CACNA1B: variants seen among roughly 807,000 people sequenced by gnomAD.
CACNA1B encodes the protein voltage-dependent N-type calcium channel subunit alpha-1B.
CACNA1B carries 70 observed loss-of-function variants against 247.2 expected under a neutral mutation model. That is an observed-to-expected ratio of 0.28 (90% CI 0.23 to 0.35). The LOEUF is 0.35. Ranked by LOEUF, CACNA1B falls within the 10% of genes least tolerant of loss-of-function variation. CACNA1B has a pLI of 1.00. For synonymous variants in CACNA1B, 1,231 were observed against 1,294.4 expected, an observed-to-expected ratio of 0.95 and a Z score of 1.05; for missense variants, 2,367 against 3,197.4, an observed-to-expected ratio of 0.74 and a Z score of 6.26.
intron 18 of CACNA1B, among the ~76,000 whole-genome samples, chr9:138,017,721 G>A (rs1238072917): frequency 1.3e-5 from 2 of 152,222 alleles, no homozygotes; most frequent in Non-Finnish European, 2.9e-5. Flanking sequence ...GCTCACAGTA[G>A]ACCACCCAGG....
In CACNA1B at chr9:138,058,014, G is replaced by A; in HGVS notation, c.4107-35G>A. On this transcript the variant is annotated intron_variant, in intron 27 of 46. Transcript: ENST00000371372. The surrounding 1 kb of genome is among the most constrained non-coding windows in gnomAD (Gnocchi z 4.7). Reference sequence around the variant, plus strand: ...GAGTTCTTAGGGCTGTCTCCTTTGGGGGTTCCCCTGACACTTGCTCTCCTC... The same window carrying A: ...GAGTTCTTAGGGCTGTCTCCTTTGGAGGTTCCCCTGACACTTGCTCTCCTC... 1.3e-6 allele frequency: 2 copies of A among 1,592,602 alleles called. No individual in the cohort carries two copies. The highest frequency in any genetic ancestry group is 1.1e-5 in the South Asian group (1 of 90,668).
chr9:137,913,161 T>G lies in CACNA1B; in HGVS notation c.531-19T>G. ...AATGTGGAAACCTTTACTTCCCTTCTTCTCCTTGTTTCTGCCAGGATCCTT... is the reference window on the plus strand; with the variant it reads ...AATGTGGAAACCTTTACTTCCCTTCGTCTCCTTGTTTCTGCCAGGATCCTT... On this transcript the variant is annotated intron_variant, in intron 3 of 46. Coordinates refer to ENST00000371372, the MANE Select transcript of CACNA1B (RefSeq NM_000718.4). This position sits in a 1 kb window ranked among gnomAD's most constrained non-coding sequence, Gnocchi z 5.2. 1 of 1,608,186 alleles carries G rather than the reference T, an allele frequency of 6.2e-7. No individual in the cohort carries two copies. Among genetic ancestry groups the G allele is most frequent in the Non-Finnish European group, 8.5e-7 (1 of 1,174,800 alleles).
chr9:137,882,691 G>T lies in CACNA1B; in HGVS notation c.391-53G>T. On this transcript the variant is annotated intron_variant, in intron 2 of 46. Coordinates refer to ENST00000371372, the MANE Select transcript of CACNA1B (RefSeq NM_000718.4). The surrounding 1 kb of genome is among the most constrained non-coding windows in gnomAD (Gnocchi z 4.0). The stretch of plus-strand genomic sequence containing the variant: ...GGGTCCTCACCAACCGTCTCTGCCC[G>T]CTACTACACCGGGTAGGGGCCAGGG... The T allele has an allele frequency of 1.2e-6, 2 of 1,606,652 alleles. No individual in the cohort carries two copies. Among genetic ancestry groups the T allele is most frequent in the Middle Eastern group, 1.6e-4 (1 of 6,064 alleles).
chr9:138,055,931 C>A (rs941690194), intron 26 of CACNA1B, among the ~76,000 whole-genome samples: 1 of 151,942 alleles, frequency 6.6e-6, no homozygotes, highest in Non-Finnish European at 1.5e-5. Context: ...GAGGCTGAGG[C>A]AGGCGAATCG....
chr9:138,072,156 C>T lies in CACNA1B; in HGVS notation c.4675-1332C>T, dbSNP rs1201549791. On this transcript the variant is annotated intron_variant, in intron 32 of 46. Transcript: ENST00000371372. The surrounding 1 kb of genome is among the most constrained non-coding windows in gnomAD (Gnocchi z 4.5). The stretch of plus-strand genomic sequence containing the variant: ...CGCCTTGCTGATTTGGATCATAGCC[C>T]GTCCTTGTGCCCACTGGCCATGGAT... Among the ~76,000 whole-genome samples, 3 of 152,172 alleles carry T rather than the reference C, an allele frequency of 2.0e-5. No individual in the cohort carries two copies. The highest frequency in any genetic ancestry group is 4.8e-5 in the African/African-American group (2 of 41,444).
chr9:137,999,286 A>G (rs893959984), intron 15 of CACNA1B, among the ~76,000 whole-genome samples: 2 of 152,180 alleles, frequency 1.3e-5, no homozygotes, highest in African/African-American at 4.8e-5. Flanking sequence ...CACAACTTTG[A>G]TATCATTTAG....
At position 138,059,095 on chromosome 9, in the gene CACNA1B, A is replaced by G. The variant is rs755068392; in HGVS notation, c.4490A>G (p.Tyr1497Cys). 8.7e-6 allele frequency: 14 copies of G among 1,610,494 alleles called. No homozygotes were observed. Among genetic ancestry groups the G allele is most frequent in the Non-Finnish European group, 1.1e-5 (13 of 1,177,050 alleles). ...VLMMKFYDAP[Y>C]EYELMLKCLN... The stretch of plus-strand genomic sequence containing the variant: ...CCCGGGCAGTTCTATGATGCACCCT[A>G]TGAGTACGAGCTGATGCTGAAATGC... Residue 1497 changes from tyrosine (Y) to cysteine (C), a missense_variant, in exon 30 of 47, where the codon TAT becomes TGT. Around this residue, in one of 12 missense-constraint regions of CACNA1B, gnomAD observed 436 missense variants for 679.5 expected, o/e 0.64. Transcript: ENST00000371372. This position sits in a 1 kb window ranked among gnomAD's most constrained non-coding sequence, Gnocchi z 4.2.
At position 137,891,291 on chromosome 9, in the gene CACNA1B, C is replaced by G. The variant is rs1215739172; in HGVS notation, c.530+8408C>G. The stretch of plus-strand genomic sequence containing the variant: ...CCCACTCTCTCTGGAGCAGCTGCCT[C>G]TGGATCTGGGAGGCTGGGCGGGCAG... On this transcript the variant is annotated intron_variant, in intron 3 of 46. Coordinates refer to ENST00000371372, the MANE Select transcript of CACNA1B (RefSeq NM_000718.4). This position sits in a 1 kb window ranked among gnomAD's most constrained non-coding sequence, Gnocchi z 4.3. 6.6e-6 allele frequency: 1 copy of G among 152,472 alleles called. No homozygotes were observed. The highest frequency in any genetic ancestry group is 6.5e-5 in the Admixed American group (1 of 15,286). 9.4% of individuals were successfully genotyped at this position (152,472 alleles called of 1,614,324 possible).
intron 36 of CACNA1B, among the ~76,000 whole-genome samples, chr9:138,082,772 C>G (rs558740897): frequency 6.6e-6 from 1 of 151,252 alleles, no homozygotes; most frequent in African/African-American, 2.4e-5. Flanking sequence ...AGTGCTTGTC[C>G]TTCTCAAAAA....
intron 20 of CACNA1B, among the ~76,000 whole-genome samples, chr9:138,042,199 C>T (rs1169353820): frequency 1.3e-5 from 2 of 152,098 alleles, no homozygotes; most frequent in Admixed American, 1.3e-4. Flanking sequence ...CCTGTAAGCC[C>T]AGCAGTTTGG....
chr9:138,016,902 C>T (rs1284898110), intron 18 of CACNA1B, among the ~76,000 whole-genome samples: 1 of 152,230 alleles, frequency 6.6e-6, no homozygotes, highest in Non-Finnish European at 1.5e-5. Context: ...CCAGGCATTA[C>T]AGGGTTTGCT....
In CACNA1B at chr9:137,882,017, G is replaced by GTGGC. The variant is rs1956929080; in HGVS notation, c.391-720_391-717dup. Among the ~76,000 whole-genome samples the GTGGC allele has an allele frequency of 6.6e-6, 1 of 152,228 alleles. No homozygotes were observed. Among genetic ancestry groups the GTGGC allele is most frequent in the Admixed American group, 6.5e-5 (1 of 15,290 alleles). On this transcript the variant is annotated intron_variant, in intron 2 of 46. Coordinates refer to ENST00000371372, the MANE Select transcript of CACNA1B (RefSeq NM_000718.4). The surrounding 1 kb of genome is among the most constrained non-coding windows in gnomAD (Gnocchi z 4.0). ...TGGCTCCCAGCTTCAGGCTCAGACT[G>GTGGC]TGGCTGGCTGCCTCCAGGGTCCTCA...
chr9:138,106,007 A>T (rs1175643763), intron 39 of CACNA1B, among the ~76,000 whole-genome samples, 200 bp downstream of exon 39: 1 of 152,194 alleles, frequency 6.6e-6, no homozygotes, highest in Admixed American at 6.5e-5. Context: ...TAGCACTGCA[A>T]TGATCCCATT....
At chr9:138,092,640 G>A (rs1216470615) in intron 36 of CACNA1B, among the ~76,000 whole-genome samples, 2 of 152,184 alleles carry the variant, frequency 1.3e-5, no homozygotes, top group Admixed American at 6.5e-5. Context: ...AAGATGACAG[G>A]ATTAAGAGAT....
Position 138,054,641 on chromosome 9 carries a change from G to A in CACNA1B, c.3968+635G>A, listed in dbSNP as rs1005549570. Among the ~76,000 whole-genome samples the A allele has an allele frequency of 2.0e-5, 3 of 152,216 alleles. No individual in the cohort carries two copies. The highest frequency in any genetic ancestry group is 2.1e-4 in the South Asian group (1 of 4,838). On this transcript the variant is annotated intron_variant, in intron 26 of 46. Coordinates refer to ENST00000371372, the MANE Select transcript of CACNA1B (RefSeq NM_000718.4). This position sits in a 1 kb window ranked among gnomAD's most constrained non-coding sequence, Gnocchi z 4.6. ...CTGTTTGCAGCTGGGAATGCTGCAC[G>A]TGCACACGTCCGCCAGGGAGCAGTA...
intron 12 of CACNA1B, among the ~76,000 whole-genome samples, chr9:137,979,666 C>T (rs924913890): frequency 6.6e-6 from 1 of 152,172 alleles, no homozygotes; most frequent in African/African-American, 2.4e-5. Flanking sequence ...TGTAAAACAC[C>T]TTCACCCTGC....
At chr9:138,120,989 C>T in intron 46 of CACNA1B, 108 bp downstream of exon 46, 11 of 1,320,520 alleles carry the variant, frequency 8.3e-6, no homozygotes, top group South Asian at 5.6e-5. Context: ...TGCCCTTTGT[C>T]ATTCCCAGCA....
chr9:138,002,385 A>G (rs986173293), intron 15 of CACNA1B, among the ~76,000 whole-genome samples: 1 of 152,184 alleles, frequency 6.6e-6, no homozygotes, highest in Non-Finnish European at 1.5e-5. Context: ...AATGTAAAAA[A>G]TCAAACTTGA....
intron 3 of CACNA1B, among the ~76,000 whole-genome samples, chr9:137,894,981 T>TG (rs1957157039): frequency 6.6e-6 from 1 of 152,206 alleles, no homozygotes; most frequent in Admixed American, 6.5e-5. Context: ...CGTGATTCTC[T>TG]TTTTCTAAAA....
Sources: allele counts gnomAD v4.1 joint callset (sites outside exome capture counted in the v4.1 genomes callset), GRCh38; gene constraint gnomAD v4.1.1; regional missense constraint gnomAD v4.1.1; non-coding constraint Gnocchi (gnomAD v3.1); transcripts MANE v1.5; gene names NCBI Gene and HGNC (gene_info 2026-07-23, HGNC 2026-07-21).